KLHL29: variants seen among roughly 807,000 people sequenced by gnomAD.
KLHL29 encodes kelch like family member 29.
A neutral mutation model predicts 80.4 loss-of-function variants in KLHL29; 21 were observed. The observed-to-expected ratio is 0.26, with a 90% CI of 0.19 to 0.38. The LOEUF (loss-of-function observed/expected upper bound fraction) is 0.38. Ranked by LOEUF, KLHL29 falls within the 10% of genes least tolerant of loss-of-function variation. KLHL29 has a pLI of 1.00. For synonymous variants in KLHL29, 511 were observed against 526.8 expected (o/e 0.97, Z 0.41); for missense variants, 867 against 1,223.9 (o/e 0.71, Z 4.35).
intron 1 of KLHL29, among the ~76,000 whole-genome samples, chr2:23,413,654 TC>T (rs1318348288): frequency 6.6e-6 from 1 of 152,156 alleles, no homozygotes; most frequent in African/African-American, 2.4e-5. Context: ...ACCATTGACT[TC>T]ATGGAAAAAA....
chr2:23,556,921 T>C (rs774958124), intron 2 of KLHL29, among the ~76,000 whole-genome samples: 41 of 152,364 alleles, frequency 2.7e-4, no homozygotes, highest in Admixed American at 5.2e-4. Flanking sequence ...AAACAGGTGC[T>C]AGCAAAGCAC....
chr2:23,683,527 G>T (rs751313), intron 5 of KLHL29, among the ~76,000 whole-genome samples: 4,975 of 152,322 alleles, frequency 0.033, 102 homozygotes, highest in South Asian at 0.086. Context: ...TCTAAGCCTT[G>T]GGGTGGGTCT....
At chr2:23,672,050 T>A (rs1386043182) in intron 5 of KLHL29, 1 of 152,264 alleles carries the variant, frequency 6.6e-6, no homozygotes, top group Non-Finnish European at 1.5e-5. Flanking sequence ...AAATGCGACT[T>A]ATGGCAGAGC....
chr2:23,431,472 G>A (rs1663173783), intron 1 of KLHL29, among the ~76,000 whole-genome samples: 1 of 152,230 alleles, frequency 6.6e-6, no homozygotes. Flanking sequence ...TCCCGTTCCG[G>A]GACTCCCTTG....
chr2:23,527,088 G>A (rs975932204), intron 2 of KLHL29, among the ~76,000 whole-genome samples: 30 of 152,182 alleles, frequency 2.0e-4, no homozygotes, highest in Admixed American at 1.8e-3. Flanking sequence ...GCCTCAACCA[G>A]GAGAACTGGG....
chr2:23,675,238 G>A (rs1670888122), intron 5 of KLHL29, among the ~76,000 whole-genome samples: 2 of 152,196 alleles, frequency 1.3e-5, no homozygotes, highest in African/African-American at 4.8e-5. Context: ...CTGGAGGCAG[G>A]AGGGACTACG....
intron 5 of KLHL29, among the ~76,000 whole-genome samples, chr2:23,671,701 C>T (rs532344677): frequency 6.6e-6 from 1 of 152,312 alleles, no homozygotes; most frequent in South Asian, 2.1e-4. Flanking sequence ...TCCCTAGGAC[C>T]CCCAGTGGAG....
At chr2:23,565,717 G>C (rs1653719) in intron 3 of KLHL29, among the ~76,000 whole-genome samples, 99,643 of 152,110 alleles carry the variant, frequency 0.66, 33,413 homozygotes, top group East Asian at 0.8. Flanking sequence ...GAGCAGAGCT[G>C]TGTCCGAGCT....
chr2:23,433,303 T>C (rs1259763218), intron 1 of KLHL29, among the ~76,000 whole-genome samples: 2 of 152,260 alleles, frequency 1.3e-5, no homozygotes, highest in East Asian at 1.9e-4. Flanking sequence ...ACCTGAATTA[T>C]GGTGGCTACA....
chr2:23,569,957 G>T (rs751968882), intron 3 of KLHL29, among the ~76,000 whole-genome samples: 1 of 152,176 alleles, frequency 6.6e-6, no homozygotes, highest in Non-Finnish European at 1.5e-5. Context: ...GCAGAGAGGA[G>T]CTGATGTAAC....
At chr2:23,388,900 G>T (rs1479085869) in intron 1 of KLHL29, among the ~76,000 whole-genome samples, 1 of 151,236 alleles carries the variant, frequency 6.6e-6, no homozygotes, top group South Asian at 2.1e-4. Flanking sequence ...TTTTGGCTGG[G>T]AGACATCAAT....
At chr2:23,543,192 T>G (rs1666892140) in intron 2 of KLHL29, among the ~76,000 whole-genome samples, 1 of 152,010 alleles carries the variant, frequency 6.6e-6, no homozygotes, top group Non-Finnish European at 1.5e-5. Flanking sequence ...AACCACATGG[T>G]CTAGAGGGAC....
At chr2:23,474,153 C>T (rs1447896269) in intron 1 of KLHL29, among the ~76,000 whole-genome samples, 1 of 152,170 alleles carries the variant, frequency 6.6e-6, no homozygotes, top group Admixed American at 6.5e-5. Flanking sequence ...TTTCCACCCT[C>T]TAGAATATGA....
intron 1 of KLHL29, among the ~76,000 whole-genome samples, chr2:23,455,004 G>GC (rs375025244): frequency 9.3e-4 from 129 of 137,974 alleles, no homozygotes; most frequent in African/African-American, 3.8e-3. Context: ...AGTGGGTTGG[G>GC]GGGGGGGCAT....
At chr2:23,570,513 G>C (rs1667692601) in intron 3 of KLHL29, among the ~76,000 whole-genome samples, 1 of 152,194 alleles carries the variant, frequency 6.6e-6, no homozygotes, top group Admixed American at 6.5e-5. Context: ...GTGGTTCTCT[G>C]TCCCCTACTC....
chr2:23,417,041 G>A (rs536969750), intron 1 of KLHL29, among the ~76,000 whole-genome samples: 30 of 152,162 alleles, frequency 2.0e-4, no homozygotes, highest in African/African-American at 7.0e-4. Context: ...CCTGACAGAA[G>A]CCTGGGAGCC....
At chr2:23,625,061 G>A (rs1175483262) in intron 3 of KLHL29, among the ~76,000 whole-genome samples, 2 of 152,232 alleles carry the variant, frequency 1.3e-5, no homozygotes, top group African/African-American at 2.4e-5. Flanking sequence ...ATGAAGAAGG[G>A]AGGCAAGTCC....
rs1672802054 is a variant in KLHL29 at position 23,707,437 on chromosome 2, T to C, written c.*773T>C. ...GAGGAGGAGCAGGCCACAAGAGGGA[T>C]AATGTTGTGGGAATTCCCAAAGCTC... On this transcript the variant is annotated 3_prime_UTR_variant, in exon 14 of 14. Coordinates refer to ENST00000486442, the MANE Select transcript of KLHL29 (RefSeq NM_052920.2). 1 of 152,174 alleles carries C rather than the reference T, an allele frequency of 6.6e-6. No homozygotes were observed. Among genetic ancestry groups the C allele is most frequent in the Admixed American group, 6.5e-5 (1 of 15,278 alleles). The allele number at this position is 152,174 out of a possible 1,614,324, so 9.4% of individuals were successfully genotyped here. A position where few individuals can be genotyped will look rare whatever the true frequency, so the allele number is the denominator to read the frequency against.
intron 5 of KLHL29, among the ~76,000 whole-genome samples, chr2:23,676,692 A>G (rs1670931555): frequency 6.6e-6 from 1 of 151,676 alleles, no homozygotes; most frequent in Non-Finnish European, 1.5e-5. Flanking sequence ...CAAGTGTAGG[A>G]GAAACCCTGG....
Sources: gnomAD v4.1 joint callset for allele counts (sites outside exome capture counted in the v4.1 genomes callset) on GRCh38, gnomAD v4.1.1 for gene constraint, MANE v1.5 for transcripts, NCBI Gene and HGNC (gene_info 2026-07-23, HGNC 2026-07-21) for gene names.